GRM7: variants seen among roughly 807,000 people sequenced by gnomAD.
GRM7 encodes the protein glutamate metabotropic receptor 7, also known as metabotropic glutamate receptor 7.
GRM7 carries 35 observed loss-of-function variants against 84.5 expected under a neutral mutation model. That is an observed-to-expected ratio of 0.41 (90% CI 0.32 to 0.55). The LOEUF (loss-of-function observed/expected upper bound fraction) is 0.55. GRM7 is among the 20% of genes least tolerant of loss of function. The pLI is 0.19. For synonymous variants in GRM7, 487 were observed against 455.1 expected, an observed-to-expected ratio of 1.07 and a Z score of -0.89; for missense variants, 1,003 against 1,194.6, an observed-to-expected ratio of 0.84 and a Z score of 2.36.
chr3:7,595,116 A>G (rs545464598), intron 8 of GRM7, among the ~76,000 whole-genome samples: 1 of 152,344 alleles, frequency 6.6e-6, no homozygotes, highest in African/African-American at 2.4e-5. Context: ...GCCTGGCACT[A>G]TCTAGGCCTT....
At chr3:6,874,927 C>T (rs1695248186) in intron 1 of GRM7, among the ~76,000 whole-genome samples, 1 of 152,174 alleles carries the variant, frequency 6.6e-6, no homozygotes, top group Admixed American at 6.5e-5. Context: ...GTTACCTTGA[C>T]CTCTTAGTAT....
intron 2 of GRM7, among the ~76,000 whole-genome samples, chr3:7,170,107 T>G (rs924892973): frequency 6.6e-6 from 1 of 152,178 alleles, no homozygotes; most frequent in Non-Finnish European, 1.5e-5. Context: ...GACCACACTT[T>G]GAGAGCCACT....
chr3:7,035,238 T>C (rs1057041488), intron 1 of GRM7, among the ~76,000 whole-genome samples: 4 of 152,150 alleles, frequency 2.6e-5, no homozygotes, highest in Non-Finnish European at 5.9e-5. Flanking sequence ...TCTTGTCTAC[T>C]GAAATGGCTG....
chr3:7,694,333 A>T, intron 9 of GRM7: 1 of 472,920 alleles, frequency 2.1e-6, no homozygotes, highest in Non-Finnish European at 2.8e-6. Flanking sequence ...ATCTCAAATT[A>T]ACTGGATTTT....
chr3:7,228,291 A>G (rs942602244), intron 2 of GRM7, among the ~76,000 whole-genome samples: 4 of 152,180 alleles, frequency 2.6e-5, no homozygotes, highest in African/African-American at 7.2e-5. Flanking sequence ...TTTAAGGTAA[A>G]CGGCCGTTTA....
Position 7,342,489 on chromosome 3 carries a change from T to C in GRM7, c.1033+35837T>C, listed in dbSNP as rs532164489. 2.0e-5 allele frequency among the ~76,000 whole-genome samples: 3 copies of C among 152,274 alleles called. No individual in the cohort carries two copies. In the East Asian group the frequency reaches 5.8e-4, roughly 29 times the overall value. On this transcript the variant is annotated intron_variant, in intron 4 of 9. Transcript: ENST00000357716. ...TCAGAGTTCCTCTCAACACAATTTT[T>C]ACCATCAGCATAGAAAATGAAACTT...
At chr3:7,447,728 T>A (rs1054256443) in intron 5 of GRM7, among the ~76,000 whole-genome samples, 5 of 62,590 alleles carry the variant, frequency 8.0e-5, no homozygotes, top group Non-Finnish European at 2.8e-4. Context: ...CAGCAAACTC[T>A]TTTTTTTTTA....
chr3:7,396,731 C>A (rs948400991), intron 4 of GRM7, among the ~76,000 whole-genome samples: 2 of 152,018 alleles, frequency 1.3e-5, no homozygotes, highest in Non-Finnish European at 2.9e-5. Context: ...AATGCATAAA[C>A]CCTCTTTGTG....
chr3:7,463,894 T>C (rs1698355520), intron 7 of GRM7, among the ~76,000 whole-genome samples: 1 of 151,770 alleles, frequency 6.6e-6, no homozygotes, highest in South Asian at 2.1e-4. Flanking sequence ...AGTGAGGGAG[T>C]GGCTGCATCA....
rs562074232 is a variant in GRM7, at chr3:7,375,170, G to A, written c.1034-39853G>A. On this transcript the variant is annotated intron_variant, in intron 4 of 9. Transcript: ENST00000357716. ...AATCAAGTCCATACTGCTCAGAATGGTAACCAAGGCCAAACCATAAACTGG... is the reference window on the plus strand; with the variant it reads ...AATCAAGTCCATACTGCTCAGAATGATAACCAAGGCCAAACCATAAACTGG... 2.5e-4 allele frequency among the ~76,000 whole-genome samples: 37 copies of A among 150,572 alleles called. No homozygotes were observed. The South Asian group carries it at 7.8e-3, about 32-fold the overall frequency.
chr3:7,187,368 G>A (rs924150731), intron 2 of GRM7, among the ~76,000 whole-genome samples: 9 of 152,046 alleles, frequency 5.9e-5, no homozygotes, highest in South Asian at 2.1e-4. Context: ...TATTATCATC[G>A]CTTGTTTGTC....
chr3:7,415,028 G>C lies in GRM7; in HGVS notation c.1039G>C (p.Asp347His), dbSNP rs955146413. ...TTTCATTTAACTCTGTTTAGGGTTTGATGCCTACTTTACGTCCCGTACACT... is the reference window on the plus strand; with the variant it reads ...TTTCATTTAACTCTGTTTAGGGTTTCATGCCTACTTTACGTCCCGTACACT... ...QPKRATVEGF[D>H]AYFTSRTLEN... The change falls in exon 5 of 10, where the codon GAT becomes CAT. Residue 347 changes from aspartate to histidine, a missense_variant. Asp to His is a moderately conservative substitution (Grantham distance 81). Around this residue, in one of 2 missense-constraint regions of GRM7, gnomAD observed 910 missense variants for 1,126.0 expected, o/e 0.81. Transcript: ENST00000357716. The C allele has an allele frequency of 1.2e-6, 2 of 1,612,156 alleles. No homozygotes were observed. Among genetic ancestry groups the C allele is most frequent in the Non-Finnish European group, 8.5e-7 (1 of 1,178,644 alleles).
chr3:7,388,503 T>TTCAG (rs1425725664), intron 4 of GRM7, among the ~76,000 whole-genome samples: 2 of 152,130 alleles, frequency 1.3e-5, no homozygotes, highest in South Asian at 2.1e-4. Context: ...TTGGATTATT[T>TTCAG]TCAGTAGGGA....
intron 7 of GRM7, chr3:7,519,855 T>G (rs559591936): frequency 6.6e-6 from 1 of 152,474 alleles, no homozygotes; most frequent in African/African-American, 2.4e-5. Flanking sequence ...CATTTGAAGC[T>G]TCATTCACTC....
intron 7 of GRM7, among the ~76,000 whole-genome samples, chr3:7,521,376 G>T (rs774608889): frequency 6.6e-6 from 1 of 152,188 alleles, no homozygotes; most frequent in African/African-American, 2.4e-5. Flanking sequence ...TAGAAGGTGA[G>T]GCCTTTGGCC....
At chr3:7,295,828 G>GC (rs553912503) in intron 2 of GRM7, among the ~76,000 whole-genome samples, 2 of 108,094 alleles carry the variant, frequency 1.9e-5, no homozygotes, top group Non-Finnish European at 4.2e-5. Flanking sequence ...GCTTTTTTTT[G>GC]GGGGGGGGAT....
intron 1 of GRM7, among the ~76,000 whole-genome samples, chr3:7,117,056 G>T (rs1310777440): frequency 6.6e-6 from 1 of 152,162 alleles, no homozygotes; most frequent in African/African-American, 2.4e-5. Context: ...AAGTGTTGGG[G>T]TTAAGCACTG....
chr3:7,212,580 C>G (rs1355983294), intron 2 of GRM7, among the ~76,000 whole-genome samples: 2 of 152,056 alleles, frequency 1.3e-5, no homozygotes, highest in Non-Finnish European at 2.9e-5. Flanking sequence ...AACCTGGTCT[C>G]TCGGGAATAC....
chr3:7,033,750 T>A (rs1232238643), intron 1 of GRM7, among the ~76,000 whole-genome samples: 1 of 152,140 alleles, frequency 6.6e-6, no homozygotes, highest in African/African-American at 2.4e-5. Context: ...TGTCTTGAGT[T>A]TAGCATTCAA....
Sources: gnomAD v4.1 joint callset for allele counts (sites outside exome capture counted in the v4.1 genomes callset) on GRCh38, gnomAD v4.1.1 for gene constraint, gnomAD v4.1.1 regional missense constraint, MANE v1.5 for transcripts, NCBI Gene and HGNC (gene_info 2026-07-23, HGNC 2026-07-21) for gene names.